Variants in CHRDL1 observed in about 807,000 individuals in gnomAD.
CHRDL1 encodes the protein chordin-like protein 1.
Under a neutral mutation model 40.9 loss-of-function variants are expected in CHRDL1, and 19 were observed. The observed-to-expected ratio is 0.46, with a 90% CI of 0.32 to 0.68. The LOEUF (loss-of-function observed/expected upper bound fraction) is 0.68, where lower values mean the gene tolerates loss of function less well. CHRDL1 is among the 30% of genes least tolerant of loss of function. The pLI is 0.03. For missense variants in CHRDL1, 329 were observed against 352.1 expected, an observed-to-expected ratio of 0.93 and a Z score of 0.53; for synonymous variants, 136 against 123.4, an observed-to-expected ratio of 1.10 and a Z score of -0.68.
intron 8 of CHRDL1, among the ~76,000 whole-genome samples, chrX:110,692,197 T>C (rs1216633233): frequency 4.5e-5 from 5 of 111,520 alleles, no homozygotes; most frequent in Non-Finnish European, 7.5e-5. Context: ...CCCTGAACAT[T>C]TGGACTAAAG....
chrX:110,707,021 T>C (rs1209606935), intron 6 of CHRDL1, among the ~76,000 whole-genome samples: 1 of 111,365 alleles, frequency 9.0e-6, no homozygotes, highest in African/African-American at 3.3e-5. Context: ...ATGAGCTGGG[T>C]TCCATGGGGG....
At position 110,681,561 on chromosome X, in the gene CHRDL1, A is replaced by C; in HGVS notation, c.1077T>G (p.Asp359Glu). The C allele has an allele frequency of 1.7e-6, 2 of 1,203,141 alleles. No individual in the cohort carries two copies. The highest frequency in any genetic ancestry group is 2.3e-6 in the Non-Finnish European group (2 of 888,028). Residue 359 changes from aspartate to glutamate, a missense_variant, in exon 10 of 12, where the codon GAT (aspartate) becomes GAG (glutamate). By Grantham distance (45) the Asp-to-Glu change is conservative. Coordinates refer to ENST00000372042, the MANE Select transcript of CHRDL1 (RefSeq NM_001143981.2). ...MPVYESVFME[D>E]GETTRKIALE... is the part of the protein sequence containing the mutation. ...GTGCTATTTTTCTGGTTGTCTCCCCATCCTCCATGAATACAGACTCATACA... is the reference window on the plus strand; with the variant it reads ...GTGCTATTTTTCTGGTTGTCTCCCCCTCCTCCATGAATACAGACTCATACA...
At chrX:110,726,575 T>C (rs990300267) in intron 4 of CHRDL1, among the ~76,000 whole-genome samples, 37 of 112,229 alleles carry the variant, frequency 3.3e-4, no homozygotes, top group African/African-American at 1.1e-3. Flanking sequence ...ACACCAGCTT[T>C]GGCATGTCTT....
chrX:110,768,284 A>G (rs1218161786), intron 2 of CHRDL1, among the ~76,000 whole-genome samples: 3 of 112,152 alleles, frequency 2.7e-5, no homozygotes, highest in African/African-American at 9.7e-5. Context: ...AGACGAAAAG[A>G]ACTAAAATTT....
At chrX:110,702,297 C>T (rs907523060) in intron 6 of CHRDL1, among the ~76,000 whole-genome samples, 1 of 111,883 alleles carries the variant, frequency 8.9e-6, no homozygotes, top group East Asian at 2.8e-4. Flanking sequence ...CTCCCACACC[C>T]CATAGCTCCC....
chrX:110,712,128 G>A (rs2070756641), intron 6 of CHRDL1, among the ~76,000 whole-genome samples: 1 of 111,883 alleles, frequency 8.9e-6, no homozygotes, highest in South Asian at 3.8e-4. Context: ...GGGGAAACAG[G>A]AAGACACAAA....
chrX:110,702,849 A>C (rs2070544183), intron 6 of CHRDL1, among the ~76,000 whole-genome samples: 1 of 111,327 alleles, frequency 9.0e-6, no homozygotes. Context: ...GACAGCAGGG[A>C]TTTTTGTCTA....
At chrX:110,747,119 G>A (rs1464096260) in intron 4 of CHRDL1, among the ~76,000 whole-genome samples, 1 of 110,478 alleles carries the variant, frequency 9.1e-6, no homozygotes, top group East Asian at 2.9e-4. Flanking sequence ...CAGGTCCAAA[G>A]CCCTTCTTCC....
rs901776843 is a variant in CHRDL1, at chrX:110,762,699, G to A, written c.203C>T (p.Ser68Leu). 16 of 1,113,499 alleles carry A rather than the reference G, an allele frequency of 1.4e-5. No individual in the cohort carries two copies. Among genetic ancestry groups the A allele is most frequent in the Admixed American group, 6.8e-5 (3 of 44,377 alleles). 91.8% of individuals were successfully genotyped at this position (1,113,499 alleles called of 1,213,427 possible). Reference protein sequence around the residue: ...GLVYCVNCICSENGNVLCSRV... With the variant: ...GLVYCVNCICLENGNVLCSRV... ...ACATGTCATGAGAGATTGTACCTCT[G>A]AGCAGATGCAGTTCACGCAGTAAAC... is the stretch of plus-strand genomic sequence containing the variant. The change falls in exon 3 of 12, where the codon TCA (serine) becomes TTA (leucine). Residue 68 changes from serine (S) to leucine (L), a missense_variant. Physicochemically the swap from Ser to Leu is moderately radical, Grantham distance 145. Transcript: ENST00000372042.
At chrX:110,757,634 T>C (rs999435024) in intron 4 of CHRDL1, among the ~76,000 whole-genome samples, 3 of 111,668 alleles carry the variant, frequency 2.7e-5, no homozygotes, top group Non-Finnish European at 3.8e-5. Flanking sequence ...TTAAAGGTTA[T>C]AGTTAACAAG....
At chrX:110,737,537 A>C (rs1053058257) in intron 4 of CHRDL1, among the ~76,000 whole-genome samples, 7 of 112,056 alleles carry the variant, frequency 6.2e-5, no homozygotes, top group Admixed American at 5.7e-4. Flanking sequence ...GCACTTCAGG[A>C]AGATTCCCAG....
chrX:110,721,508 G>T lies in CHRDL1; in HGVS notation c.324C>A (p.Asn108Lys), dbSNP rs765346646. The part of the protein sequence containing the change: ...RCPEDSLPPV[N>K]NKVTSKSCEY... ...CGCAAGACTTGCTGGTCACCTTATTGTTCACTGGGGGTAAGGAGTCTTCTA... is the reference window on the plus strand; with the variant it reads ...CGCAAGACTTGCTGGTCACCTTATTTTTCACTGGGGGTAAGGAGTCTTCTA... Residue 108 changes from asparagine to lysine, a missense_variant, in exon 5 of 12, where the codon AAC (asparagine) becomes AAA (lysine). Asn to Lys is a moderately conservative substitution (Grantham distance 94, BLOSUM62 0). Transcript: ENST00000372042. 5 of 1,208,147 alleles carry T rather than the reference G, an allele frequency of 4.1e-6. No individual in the cohort carries two copies. In the South Asian group the frequency reaches 8.8e-5, roughly 21 times the overall value.
At chrX:110,740,370 G>T (rs906608316) in intron 4 of CHRDL1, among the ~76,000 whole-genome samples, 4 of 112,301 alleles carry the variant, frequency 3.6e-5, no homozygotes, top group Non-Finnish European at 7.5e-5. Context: ...AATGCCAGAT[G>T]AGCAGAAGTA....
chrX:110,767,163 G>A (rs1213011890), intron 2 of CHRDL1, among the ~76,000 whole-genome samples: 1 of 111,565 alleles, frequency 9.0e-6, no homozygotes, highest in Non-Finnish European at 1.9e-5. Flanking sequence ...AAAACCCTCA[G>A]CAAAATCGGC....
At chrX:110,751,367 A>G (rs1201761800) in intron 4 of CHRDL1, among the ~76,000 whole-genome samples, 2 of 112,190 alleles carry the variant, frequency 1.8e-5, no homozygotes, top group Non-Finnish European at 3.8e-5. Context: ...GCACATAACA[A>G]AGAACCCTAA....
intron 4 of CHRDL1, among the ~76,000 whole-genome samples, chrX:110,727,271 T>A (rs139452492): frequency 1.2e-4 from 13 of 112,030 alleles, no homozygotes; most frequent in African/African-American, 4.2e-4. Flanking sequence ...TCAAACTAGG[T>A]TCTGTGCTGC....
intron 2 of CHRDL1, among the ~76,000 whole-genome samples, chrX:110,789,200 C>T (rs1022680034): frequency 5.4e-5 from 6 of 111,440 alleles, no homozygotes; most frequent in Non-Finnish European, 9.4e-5. Flanking sequence ...AGTACATAAT[C>T]GAAAAGATGC....
chrX:110,719,154 G>C (rs1184958280), intron 6 of CHRDL1, among the ~76,000 whole-genome samples: 1 of 111,526 alleles, frequency 9.0e-6, no homozygotes, highest in Non-Finnish European at 1.9e-5. Context: ...CAGTGGGAAA[G>C]TGGGAAAAGG....
chrX:110,702,743 T>C (rs976244317), intron 6 of CHRDL1, among the ~76,000 whole-genome samples: 8 of 111,978 alleles, frequency 7.1e-5, no homozygotes, highest in African/African-American at 2.6e-4. Flanking sequence ...ATGCCTGCTC[T>C]TTGCTTTTTC....
Sources: allele counts gnomAD v4.1 joint callset (sites outside exome capture counted in the v4.1 genomes callset), GRCh38; gene constraint gnomAD v4.1.1; transcripts MANE v1.5; gene names NCBI Gene and HGNC (gene_info 2026-07-23, HGNC 2026-07-21).